The following LARGE1 variants were observed in gnomAD, a reference collection of about 807,000 sequenced individuals.
LARGE1 encodes LARGE xylosyl- and glucuronyltransferase 1, also known as xylosyl- and glucuronyltransferase LARGE1.
LARGE1 carries 43 observed loss-of-function variants against 87.6 expected under a neutral mutation model. The observed-to-expected ratio is 0.49, with a 90% CI of 0.38 to 0.63. LARGE1 has a LOEUF of 0.63. Ranked by LOEUF, LARGE1 falls within the 30% of genes least tolerant of loss-of-function variation. The pLI is 0.00. For missense variants in LARGE1, 802 were observed against 1,000.2 expected (o/e 0.80, Z 2.67); for synonymous variants, 434 against 394.6 (o/e 1.10, Z -1.18).
In LARGE1 at chr22:33,759,566, T is replaced by C. The variant is rs1415733437; in HGVS notation, c.106+1805A>G. Among the ~76,000 whole-genome samples the C allele has an allele frequency of 2.6e-5, 4 of 152,190 alleles. No individual in the cohort carries two copies. In the East Asian group the frequency reaches 5.8e-4, roughly 22 times the overall value. On this transcript the variant is annotated intron_variant, in intron 2 of 14. Coordinates refer to ENST00000397394, the MANE Select transcript of LARGE1 (RefSeq NM_133642.5). ...GAAGTCCTTATAACAATACCTGGCC[T>C]GTAGAAATACTCAAAATACTAGTTG...
chr22:33,090,966 G>C, the LARGE1 span, among the ~76,000 whole-genome samples: 1 of 152,254 alleles, frequency 6.6e-6, no homozygotes, highest in Non-Finnish European at 1.5e-5. Context: ...CCCTTTTATA[G>C]AGCTGACATC....
the LARGE1 span, among the ~76,000 whole-genome samples, chr22:33,144,367 AGTT>A: frequency 2.9e-4 from 44 of 152,152 alleles, no homozygotes; most frequent in African/African-American, 9.4e-4. Context: ...ATAATTCTAT[AGTT>A]GTTGCATAGA....
At chr22:33,873,956 C>A (rs553660928) in intron 1 of LARGE1, among the ~76,000 whole-genome samples, 2 of 151,986 alleles carry the variant, frequency 1.3e-5, no homozygotes, top group African/African-American at 2.4e-5. Flanking sequence ...TCCTTCCACC[C>A]CACCCGGCTG....
chr22:33,595,655 T>C (rs980221642), intron 5 of LARGE1, among the ~76,000 whole-genome samples: 1 of 152,226 alleles, frequency 6.6e-6, no homozygotes, highest in Non-Finnish European at 1.5e-5. Flanking sequence ...ACTCAGTAAA[T>C]GTGTCAGGTC....
chr22:33,554,207 C>T (rs1197201870), intron 6 of LARGE1, among the ~76,000 whole-genome samples: 3 of 152,020 alleles, frequency 2.0e-5, no homozygotes, highest in Admixed American at 6.6e-5. Flanking sequence ...ACACCGTGCC[C>T]AGTCTTTGTG....
At chr22:33,497,167 C>T (rs2070178470) in intron 6 of LARGE1, among the ~76,000 whole-genome samples, 1 of 151,602 alleles carries the variant, frequency 6.6e-6, no homozygotes, top group Non-Finnish European at 1.5e-5. Flanking sequence ...CCTCTGACTC[C>T]CTGGTTCAAG....
At chr22:33,530,107 T>C (rs2072122391) in intron 6 of LARGE1, among the ~76,000 whole-genome samples, 1 of 152,248 alleles carries the variant, frequency 6.6e-6, no homozygotes, top group Non-Finnish European at 1.5e-5. Context: ...TGGAGGTTCC[T>C]ATCCTAAATA....
At chr22:33,269,090 T>TA (rs1231729522), downstream of LARGE1, among the ~76,000 whole-genome samples, 10 of 152,266 alleles carry the variant, frequency 6.6e-5, no homozygotes, top group South Asian at 2.1e-4. Context: ...TGTTATGTTT[T>TA]AAAAAAATAC....
At chr22:33,633,642 G>T (rs997486431) in intron 3 of LARGE1, among the ~76,000 whole-genome samples, 1 of 152,216 alleles carries the variant, frequency 6.6e-6, no homozygotes, top group Non-Finnish European at 1.5e-5. Flanking sequence ...CTGCCTGGGG[G>T]CACGATTCAG....
At chr22:33,484,431 A>G (rs1221411518) in intron 6 of LARGE1, among the ~76,000 whole-genome samples, 1 of 152,206 alleles carries the variant, frequency 6.6e-6, no homozygotes, top group African/African-American at 2.4e-5. Flanking sequence ...GTTTCTGGAA[A>G]ACAAATGTTA....
At chr22:33,719,338 A>C (rs1024185714) in intron 2 of LARGE1, among the ~76,000 whole-genome samples, 12 of 152,250 alleles carry the variant, frequency 7.9e-5, no homozygotes, top group African/African-American at 2.9e-4. Flanking sequence ...AGTGTAGCAT[A>C]AGTGCGCAGT....
At chr22:33,798,628 G>A (rs891531869) in intron 1 of LARGE1, among the ~76,000 whole-genome samples, 3 of 152,078 alleles carry the variant, frequency 2.0e-5, no homozygotes, top group African/African-American at 7.2e-5. Flanking sequence ...CCAAACCCCG[G>A]ACATAGGACC....
chr22:33,387,208 T>A (rs553865090), intron 7 of LARGE1, among the ~76,000 whole-genome samples: 2 of 148,602 alleles, frequency 1.3e-5, no homozygotes, highest in African/African-American at 4.9e-5. Flanking sequence ...ACAGATCATC[T>A]GAAGTCAGGA....
intron 2 of LARGE1, among the ~76,000 whole-genome samples, chr22:33,688,209 C>T (rs577835724): frequency 4.6e-5 from 7 of 152,340 alleles, no homozygotes; most frequent in African/African-American, 1.7e-4. Context: ...GAGTCCCTCC[C>T]TCACAGAGCT....
intron 1 of LARGE1, among the ~76,000 whole-genome samples, chr22:33,790,669 T>C (rs373565532): frequency 2.0e-5 from 3 of 152,320 alleles, no homozygotes; most frequent in Middle Eastern, 3.4e-3. Context: ...TTCAGATATA[T>C]GATGAAAGAC....
At chr22:33,082,253 C>T in the LARGE1 span, among the ~76,000 whole-genome samples, 1 of 152,186 alleles carries the variant, frequency 6.6e-6, no homozygotes, top group African/African-American at 2.4e-5. Context: ...AATCCCTACA[C>T]CACTACCAAT....
intron 9 of LARGE1, among the ~76,000 whole-genome samples, chr22:33,379,101 C>T (rs930068682): frequency 1.3e-5 from 2 of 151,780 alleles, no homozygotes; most frequent in Non-Finnish European, 2.9e-5. Context: ...TATTCAAGAG[C>T]ATTTAAAGAG....
At chr22:33,264,152 A>G (rs1164067657) in intron 11 of LARGE1, among the ~76,000 whole-genome samples, 4 of 152,196 alleles carry the variant, frequency 2.6e-5, no homozygotes. Flanking sequence ...ACTCCTTCAT[A>G]TTATAGACAT....
chr22:33,085,713 A>G, the LARGE1 span, among the ~76,000 whole-genome samples: 1 of 152,348 alleles, frequency 6.6e-6, no homozygotes. Flanking sequence ...GTTGATTTGT[A>G]TAATGAAAAT....
Sources: gnomAD v4.1 joint callset for allele counts (sites outside exome capture counted in the v4.1 genomes callset) on GRCh38, gnomAD v4.1.1 for gene constraint, MANE v1.5 for transcripts, NCBI Gene and HGNC (gene_info 2026-07-23, HGNC 2026-07-21) for gene names.